The following SARDH variants were observed in gnomAD, a reference collection of about 807,000 sequenced individuals.
SARDH encodes sarcosine dehydrogenase, mitochondrial.
In SARDH, 95 loss-of-function variants were observed where a neutral mutation model predicts 109.1. The ratio of observed to expected loss-of-function variants is 0.87; its 90% confidence interval spans 0.74 to 1.03. The LOEUF (loss-of-function observed/expected upper bound fraction) is 1.03. Ranked by LOEUF, SARDH falls within the 50% of genes least tolerant of loss-of-function variation. The probability of loss-of-function intolerance (pLI) is 0.00; values close to 1 mark genes in which losing one functional copy is unlikely to be tolerated. For synonymous variants in SARDH, 572 were observed against 534.8 expected, an observed-to-expected ratio of 1.07 and a Z score of -0.96; for missense variants, 1,267 against 1,287.8, an observed-to-expected ratio of 0.98 and a Z score of 0.25.
At position 133,698,023 on chromosome 9, in the gene SARDH, A is replaced by AAAAG. The variant is rs1193947443; in HGVS notation, c.1669-1663_1669-1662insCTTT. Among the ~76,000 whole-genome samples, 10 of 150,256 alleles carry AAAAG rather than the reference A, an allele frequency of 6.7e-5. No individual in the cohort carries two copies. The East Asian group carries it at 1.2e-3, about 17-fold the overall frequency. On this transcript the variant is annotated intron_variant, in intron 13 of 20. Coordinates refer to ENST00000439388, the MANE Select transcript of SARDH (RefSeq NM_001134707.2). ...AAGGAATCCACTAAAAAAAAAAAAG[A>AAAAG]AAAAAAAGAAAAAAAACTGTTAGAA...
In SARDH at chr9:133,718,969, C is replaced by A. The variant is rs1411262650; in HGVS notation, c.989G>T (p.Gly330Val). The A allele has an allele frequency of 6.2e-7, 1 of 1,614,158 alleles. No individual in the cohort carries two copies. Among genetic ancestry groups the A allele is most frequent in the Admixed American group, 1.7e-5 (1 of 60,024 alleles). The change falls in exon 7 of 21, where the codon GGC (glycine) becomes GTC (valine). Residue 330 changes from glycine to valine, a missense_variant. Gly to Val is a moderately radical substitution (Grantham distance 109). Transcript: ENST00000439388. This position sits in a 1 kb window ranked among gnomAD's most constrained non-coding sequence, Gnocchi z 4.2. ...RLQGDALSVG[G>V]YEANPIFWEE... is the part of the protein sequence containing the mutation. ...CCAAAAGATGGGGTTGGCCTCATAGCCACCCACAGACAAGGCATCCCCTTG... is the reference window on the plus strand; with the variant it reads ...CCAAAAGATGGGGTTGGCCTCATAGACACCCACAGACAAGGCATCCCCTTG...
chr9:133,724,593 G>A (rs1832427596), intron 6 of SARDH, among the ~76,000 whole-genome samples: 1 of 152,306 alleles, frequency 6.6e-6, no homozygotes, highest in Non-Finnish European at 1.5e-5. Context: ...AGCTTCTTTG[G>A]AAAATAGTCC....
chr9:133,705,618 C>T (rs694821), intron 11 of SARDH, among the ~76,000 whole-genome samples: 78,614 of 147,918 alleles, frequency 0.53, 20,795 homozygotes, highest in South Asian at 0.63. Flanking sequence ...CCCCCAGCTA[C>T]AGAATAGCAC....
At chr9:133,721,680 G>T (rs978063521) in intron 6 of SARDH, among the ~76,000 whole-genome samples, 2 of 152,196 alleles carry the variant, frequency 1.3e-5, no homozygotes, top group Admixed American at 6.5e-5. Flanking sequence ...TGCGTATTCA[G>T]AAAATAGTAT....
At chr9:133,665,439 C>T (rs996365481) in intron 20 of SARDH, among the ~76,000 whole-genome samples, 4 of 152,206 alleles carry the variant, frequency 2.6e-5, no homozygotes, top group African/African-American at 9.6e-5. Context: ...GCCATGCCAT[C>T]ACAATCCCCA....
At chr9:133,659,435 C>T (rs1217484032), downstream of SARDH, 1 of 152,324 alleles carries the variant, frequency 6.6e-6, no homozygotes, top group African/African-American at 2.4e-5. Flanking sequence ...GTGCTTCCCC[C>T]TGAGCGTCCT....
chr9:133,673,056 A>G (rs1830402933), intron 17 of SARDH, among the ~76,000 whole-genome samples: 1 of 152,222 alleles, frequency 6.6e-6, no homozygotes, highest in African/African-American at 2.4e-5. Flanking sequence ...GCGGACACAG[A>G]GGCTCCCAGA....
rs189773184 is a variant in SARDH at position 133,685,974 on chromosome 9, T to G, written c.2070-688A>C. On this transcript the variant is annotated intron_variant, in intron 16 of 20. Coordinates refer to ENST00000439388, the MANE Select transcript of SARDH (RefSeq NM_001134707.2). ...GCTCAGGCTGCAGACTTGGAGGAGG[T>G]AGAGAGCTGGGCTTAGCACCCAGCA... is the stretch of plus-strand genomic sequence containing the variant. 7.9e-5 allele frequency among the ~76,000 whole-genome samples: 12 copies of G among 152,042 alleles called. No homozygotes were observed. In the East Asian group the frequency reaches 2.1e-3, roughly 27 times the overall value.
chr9:133,728,552 A>T lies in SARDH; in HGVS notation c.915+1213T>A, dbSNP rs1329904970. Among the ~76,000 whole-genome samples the T allele has an allele frequency of 2.0e-5, 3 of 152,114 alleles. No individual in the cohort carries two copies. Among genetic ancestry groups the T allele is most frequent in the Admixed American group, 6.5e-5 (1 of 15,272 alleles). ...TCACCTAGATGCAGCTGCCTCCTCCAGGGAGCCTCCCCTGGTCCACTAGGG... is the reference window on the plus strand; with the variant it reads ...TCACCTAGATGCAGCTGCCTCCTCCTGGGAGCCTCCCCTGGTCCACTAGGG... On this transcript the variant is annotated intron_variant, in intron 6 of 20. Transcript: ENST00000439388. This position sits in a 1 kb window ranked among gnomAD's most constrained non-coding sequence, Gnocchi z 5.0.
At position 133,718,586 on chromosome 9, in the gene SARDH, A is replaced by T. The variant is rs1832210866; in HGVS notation, c.1020+352T>A. On this transcript the variant is annotated intron_variant, in intron 7 of 20. Transcript: ENST00000439388. This position sits in a 1 kb window ranked among gnomAD's most constrained non-coding sequence, Gnocchi z 4.2. ...AGCTGCCCGGGAAACAGCCCAGGCCAGGGGAAATGCCGCTGCAGCAGCTGG... is the reference window on the plus strand; with the variant it reads ...AGCTGCCCGGGAAACAGCCCAGGCCTGGGGAAATGCCGCTGCAGCAGCTGG... The T allele has an allele frequency of 1.1e-5, 8 of 758,064 alleles. No individual in the cohort carries two copies. The highest frequency in any genetic ancestry group is 2.0e-5 in the Non-Finnish European group (8 of 410,032). The allele number at this position is 758,064 out of a possible 1,614,324, so 47.0% of individuals were successfully genotyped here. A position where few individuals can be genotyped will look rare whatever the true frequency, so the allele number is the denominator to read the frequency against.
At position 133,698,412 on chromosome 9, in the gene SARDH, C is replaced by G. The variant is rs535296509; in HGVS notation, c.1669-2051G>C. 5.9e-5 allele frequency among the ~76,000 whole-genome samples: 9 copies of G among 152,300 alleles called. No homozygotes were observed. The East Asian group carries it at 1.5e-3, about 26-fold the overall frequency. On this transcript the variant is annotated intron_variant, in intron 13 of 20. Coordinates refer to ENST00000439388, the MANE Select transcript of SARDH (RefSeq NM_001134707.2). Reference sequence around the variant, plus strand: ...CAGCTGGTTTCTTTGCAGAAATTGACTAGCCAATCCTAAAATTCATATGGA... The same window carrying G: ...CAGCTGGTTTCTTTGCAGAAATTGAGTAGCCAATCCTAAAATTCATATGGA...
At chr9:133,688,823 T>C (rs1242806610) in intron 16 of SARDH, among the ~76,000 whole-genome samples, 2 of 152,224 alleles carry the variant, frequency 1.3e-5, no homozygotes, top group Non-Finnish European at 2.9e-5. Flanking sequence ...TAATGCATGT[T>C]GGTTTCTATG....
chr9:133,715,710 G>A (rs1287449537), intron 8 of SARDH, among the ~76,000 whole-genome samples: 1 of 152,082 alleles, frequency 6.6e-6, no homozygotes, highest in Non-Finnish European at 1.5e-5. Flanking sequence ...TGGGCTCCCC[G>A]CTTTGTGCCG....
At chr9:133,695,937 T>C (rs1002683519) in intron 14 of SARDH, among the ~76,000 whole-genome samples, 43 of 152,212 alleles carry the variant, frequency 2.8e-4, no homozygotes, top group African/African-American at 1.0e-3. Flanking sequence ...AGGAGAGACG[T>C]GGCTGAGGGC....
chr9:133,698,284 G>A (rs1286108392), intron 13 of SARDH, among the ~76,000 whole-genome samples: 1 of 152,038 alleles, frequency 6.6e-6, no homozygotes, highest in Non-Finnish European at 1.5e-5. Flanking sequence ...CTAAATAAGT[G>A]GAAAGACAGC....
At chr9:133,663,325 G>C (rs129888), downstream of SARDH, among the ~76,000 whole-genome samples, 37,280 of 152,224 alleles carry the variant, frequency 0.24, 5,293 homozygotes, top group East Asian at 0.39. Context: ...CAGGGAGGTC[G>C]AGCAAGGTAA....
rs149654914 is a variant in SARDH at position 133,687,351 on chromosome 9, G to A, written c.2070-2065C>T. On this transcript the variant is annotated intron_variant, in intron 16 of 20. Coordinates refer to ENST00000439388, the MANE Select transcript of SARDH (RefSeq NM_001134707.2). Reference sequence around the variant, plus strand: ...AGTGGCACAATCACAGCTCGCTGCAGCCTTGACCTCCTGGGCTCAAGCGAT... The same window carrying A: ...AGTGGCACAATCACAGCTCGCTGCAACCTTGACCTCCTGGGCTCAAGCGAT... Among the ~76,000 whole-genome samples the A allele has an allele frequency of 6.8e-3, 1,029 of 152,356 alleles. 5 individuals are homozygous for A. Among genetic ancestry groups the A allele is most frequent in the African/African-American group, 0.023 (957 of 41,574 alleles).
In SARDH at chr9:133,671,671, C is replaced by A. The variant is rs2519123; in HGVS notation, c.2190G>T (p.Val730=). 23 of 1,583,834 alleles carry A rather than the reference C, an allele frequency of 1.5e-5. No individual in the cohort carries two copies. Among genetic ancestry groups the A allele is most frequent in the Middle Eastern group, 3.3e-4 (2 of 6,004 alleles). The change falls in exon 18 of 21, where the codon GTG becomes GTT. Residue 730 remains valine (V), a synonymous_variant. Transcript: ENST00000439388. Reference sequence around the variant, plus strand: ...TGTGCAGCTCCCAGCCCAGCTCCCCCACAAAGGACAGCCGCATGGCTCGGA... The same window carrying A: ...TGTGCAGCTCCCAGCCCAGCTCCCCAACAAAGGACAGCCGCATGGCTCGGA... ...HLVRAMRLSF[V]GELGWELHIP...
At chr9:133,676,461 C>T (rs1042014916) in intron 17 of SARDH, among the ~76,000 whole-genome samples, 15 of 152,148 alleles carry the variant, frequency 9.9e-5, no homozygotes, top group Admixed American at 3.3e-4. Context: ...TTAACACTAC[C>T]GAACTGTACA....
Sources: allele counts gnomAD v4.1 joint callset (sites outside exome capture counted in the v4.1 genomes callset), GRCh38; gene constraint gnomAD v4.1.1; non-coding constraint Gnocchi (gnomAD v3.1); transcripts MANE v1.5; gene names NCBI Gene and HGNC (gene_info 2026-07-23, HGNC 2026-07-21).